GON4L: variants seen among roughly 807,000 people sequenced by gnomAD.
GON4L encodes the protein GON-4-like protein.
A neutral mutation model predicts 211.8 loss-of-function variants in GON4L; 87 were observed. The ratio of observed to expected loss-of-function variants is 0.41; its 90% CI spans 0.35 to 0.49. GON4L has a LOEUF of 0.49. Ranked by LOEUF, GON4L falls within the 20% of genes least tolerant of loss-of-function variation. The pLI, the probability that GON4L is intolerant of heterozygous loss-of-function variation, is 0.15. For synonymous variants in GON4L, 875 were observed against 962.6 expected, an observed-to-expected ratio of 0.91 and a Z score of 1.68; for missense variants, 2,155 against 2,659.5, an observed-to-expected ratio of 0.81 and a Z score of 4.17.
rs1210862103 is a variant in GON4L, at chr1:155,762,220, G to A, written c.4881C>T (p.Asp1627=). The A allele has an allele frequency of 6.2e-7, 1 of 1,609,788 alleles. No homozygotes were observed. The highest frequency in any genetic ancestry group is 1.3e-5 in the African/African-American group (1 of 74,898). ...LERDPLREQK[D]LAFAQAYLTR... is the part of the protein sequence containing the mutation. ...TCAGATAAGCTTGGGCAAAGGCCAA[G>A]TCCTTCTGCTCCCTGAGTGGATCTC... The change falls in exon 23 of 32, where the codon GAC becomes GAT. Residue 1627 remains aspartate (D), a synonymous_variant. Transcript: ENST00000368331.
chr1:155,767,258 T>C, intron 20 of GON4L, 167 bp downstream of exon 20: 4 of 1,473,812 alleles, frequency 2.7e-6, no homozygotes, highest in Non-Finnish European at 3.7e-6. Flanking sequence ...TGCTGTAGAA[T>C]CACCCAGAGA....
At chr1:155,814,595 A>C in intron 8 of GON4L, 146 bp from the exon 9 acceptor site, 2 of 848,140 alleles carry the variant, frequency 2.4e-6, no homozygotes, top group Non-Finnish European at 2.0e-6. Context: ...AAAATACAAA[A>C]ATAAGCCAGG....
Position 155,754,532 on chromosome 1 carries a change from T to C in GON4L, c.5518-44A>G, listed in dbSNP as rs573399449. 1.3e-5 allele frequency: 15 copies of C among 1,173,370 alleles called. No homozygotes were observed. In the East Asian group the frequency reaches 3.3e-4, roughly 26 times the overall value. 72.7% of individuals were successfully genotyped at this position (1,173,370 alleles called of 1,614,324 possible). ...TGATTAGCTGCCAAGTTGTTTTTTT[T>C]TTTTTTTTTTTTTTTGAGACAGAGT... On this transcript the variant is annotated intron_variant, in intron 27 of 31. Transcript: ENST00000368331.
In GON4L at chr1:155,805,990, T is replaced by G. The variant is rs80001168; in HGVS notation, c.1453-849A>C. Reference sequence around the variant, plus strand: ...AGCTGTGAGCCACCATGCCTGGTGTTTTTTTTTTTTTTTTTAAGAGATAGA... The same window carrying G: ...AGCTGTGAGCCACCATGCCTGGTGTGTTTTTTTTTTTTTTTAAGAGATAGA... On this transcript the variant is annotated intron_variant, in intron 10 of 31. Coordinates refer to ENST00000368331, the MANE Select transcript of GON4L (RefSeq NM_001282860.2). Among the ~76,000 whole-genome samples the G allele has an allele frequency of 1.3e-3, 7 of 5,394 alleles. No homozygotes were observed. The Non-Finnish European group carries it at 0.02, about 15-fold the overall frequency. 3.5% of individuals were successfully genotyped at this position (5,394 alleles called of 152,430 possible). A position where few individuals can be genotyped will look rare whatever the true frequency, so the allele number is the denominator to read the frequency against.
intron 24 of GON4L, among the ~76,000 whole-genome samples, chr1:155,758,340 G>A (rs1661406083): frequency 6.6e-6 from 1 of 152,224 alleles, no homozygotes; most frequent in Non-Finnish European, 1.5e-5. Flanking sequence ...ATACTTTAGA[G>A]TTTATATTAC....
chr1:155,771,200 A>T lies in GON4L; in HGVS notation c.2513T>A (p.Leu838Gln). 1.2e-6 allele frequency: 2 copies of T among 1,614,180 alleles called. No individual in the cohort carries two copies. The highest frequency in any genetic ancestry group is 1.7e-6 in the Non-Finnish European group (2 of 1,180,008). ...AAACTCAGTTCCTTCAAAATGCTTC[A>T]GTCCTAAAGCTAACAAACTGAGAAA... ...KAEDNLLALGLKHFEGTEFPN... is the reference protein window; with the variant it reads ...KAEDNLLALGQKHFEGTEFPN... Residue 838 changes from leucine (L) to glutamine (Q), a missense_variant, in exon 19 of 32, where the codon CTG becomes CAG. Leu to Gln is a moderately radical substitution (Grantham distance 113). Around this residue, in one of 6 missense-constraint regions of GON4L, gnomAD observed 551 missense variants for 854.0 expected, o/e 0.65. Transcript: ENST00000368331.
At chr1:155,813,991 T>C (rs1668016375) in intron 9 of GON4L, among the ~76,000 whole-genome samples, 187 bp from the exon 10 acceptor site, 1 of 152,252 alleles carries the variant, frequency 6.6e-6, no homozygotes, top group African/African-American at 2.4e-5. Flanking sequence ...TTTCATCCTA[T>C]TTCTAGAGAA....
intron 12 of GON4L, among the ~76,000 whole-genome samples, chr1:155,794,346 A>C (rs1382790240): frequency 6.6e-6 from 1 of 152,200 alleles, no homozygotes; most frequent in Non-Finnish European, 1.5e-5. Context: ...TGCTGGGATT[A>C]CAGGCGTGAG....
intron 8 of GON4L, among the ~76,000 whole-genome samples, chr1:155,814,948 A>C (rs997525772): frequency 6.6e-6 from 1 of 151,894 alleles, no homozygotes; most frequent in Non-Finnish European, 1.5e-5. Context: ...CCCCATCTCT[A>C]CTAAAAATAC....
intron 1 of GON4L, among the ~76,000 whole-genome samples, chr1:155,856,059 G>C (rs1168434765): frequency 7.0e-6 from 1 of 143,048 alleles, no homozygotes; most frequent in Non-Finnish European, 1.5e-5. Context: ...TCCAATAATA[G>C]AATAAGCCGC....
At chr1:155,812,712 C>T (rs1302987320) in intron 10 of GON4L, among the ~76,000 whole-genome samples, 1 of 152,044 alleles carries the variant, frequency 6.6e-6, no homozygotes, top group Non-Finnish European at 1.5e-5. Context: ...TGCGCCACGA[C>T]ACCTGGCAAA....
At chr1:155,778,136 C>G (rs922963778) in intron 14 of GON4L, among the ~76,000 whole-genome samples, 2 of 152,156 alleles carry the variant, frequency 1.3e-5, no homozygotes, top group African/African-American at 4.8e-5. Flanking sequence ...AGCCAAGGAG[C>G]TGGTGGGAAC....
chr1:155,855,827 C>T (rs1672219947), intron 1 of GON4L, among the ~76,000 whole-genome samples: 1 of 151,622 alleles, frequency 6.6e-6, no homozygotes, highest in Admixed American at 6.6e-5. Flanking sequence ...CTAAAAAATA[C>T]AAAAATTAGC....
chr1:155,832,705 C>G (rs1669915574), intron 2 of GON4L: 1 of 152,164 alleles, frequency 6.6e-6, no homozygotes, highest in African/African-American at 2.4e-5. Context: ...AATGTCAATA[C>G]TTGAAAATAA....
intron 21 of GON4L, chr1:155,764,543 A>T: frequency 3.0e-6 from 1 of 327,876 alleles, no homozygotes; most frequent in South Asian, 2.7e-5. Flanking sequence ...GGGCTCAAGC[A>T]ATTCTCCTGC....
chr1:155,773,888 T>A (rs1663480150), intron 17 of GON4L, among the ~76,000 whole-genome samples: 1 of 152,240 alleles, frequency 6.6e-6, no homozygotes, highest in South Asian at 2.1e-4. Context: ...GATATTATTA[T>A]AATTTGGTGT....
chr1:155,792,967 T>C (rs1379588330), intron 12 of GON4L, among the ~76,000 whole-genome samples: 1 of 152,136 alleles, frequency 6.6e-6, no homozygotes, highest in Non-Finnish European at 1.5e-5. Flanking sequence ...TGTCTCACTA[T>C]CTTGCCCAGG....
At chr1:155,754,903 C>CTTTTTT (rs112004109) in intron 27 of GON4L, among the ~76,000 whole-genome samples, 1 of 104,560 alleles carries the variant, frequency 9.6e-6, no homozygotes, top group Non-Finnish European at 2.0e-5. Context: ...TCTCCCCATG[C>CTTTTTT]TTTTTTTTTT....
rs1472580882 is a variant in GON4L at position 155,853,320 on chromosome 1, TC to T, written c.460del (p.Glu154SerfsTer20). 1 of 1,613,964 alleles carries T rather than the reference TC, an allele frequency of 6.2e-7. No homozygotes were observed. The highest frequency in any genetic ancestry group is 8.5e-7 in the Non-Finnish European group (1 of 1,179,942). On this transcript the variant is annotated frameshift_variant, in exon 2 of 32. Transcript: ENST00000368331. LOFTEE classifies it high-confidence loss of function. ...TTCACTAGGCTCTCCTGAAAAAGGC[TC>T]CTTTAGGGTAAGATGATCACATCTG... is the stretch of plus-strand genomic sequence containing the variant. ...EDRCDHLTLK[E>X]PFSGEPSEEV...
Sources: gnomAD v4.1 joint callset for allele counts (sites outside exome capture counted in the v4.1 genomes callset) on GRCh38, gnomAD v4.1.1 for gene constraint, gnomAD v4.1.1 regional missense constraint, MANE v1.5 for transcripts, NCBI Gene and HGNC (gene_info 2026-07-23, HGNC 2026-07-21) for gene names.